Variants in DIP2C observed in about 807,000 individuals in gnomAD.
DIP2C encodes the protein DIP2 acetate--CoA ligase C (putative).
Under a neutral mutation model 192.4 loss-of-function variants are expected in DIP2C, and 33 were observed. That is an observed-to-expected ratio of 0.17 (90% CI 0.13 to 0.23). The LOEUF (loss-of-function observed/expected upper bound fraction) is 0.23. Among genes scored for constraint, DIP2C ranks in the 10% least tolerant of loss-of-function variants. The pLI is 1.00. For synonymous variants in DIP2C, 979 were observed against 864.1 expected (o/e 1.13, Z -2.33); for missense variants, 1,537 against 2,110.1 (o/e 0.73, Z 5.32).
At chr10:407,593 C>G (rs1964896403) in intron 9 of DIP2C, among the ~76,000 whole-genome samples, 1 of 152,132 alleles carries the variant, frequency 6.6e-6, no homozygotes, top group South Asian at 2.1e-4. Context: ...CCAACACGTG[C>G]CCTTTTCAGT....
intron 24 of DIP2C, chr10:356,137 T>C (rs991806885): frequency 5.5e-6 from 3 of 543,480 alleles, no homozygotes; most frequent in South Asian, 2.1e-5. Context: ...AAATATCTCA[T>C]AGACTTACGA....
At chr10:520,601 T>C (rs894223638) in intron 1 of DIP2C, among the ~76,000 whole-genome samples, 9 of 152,212 alleles carry the variant, frequency 5.9e-5, no homozygotes, top group Non-Finnish European at 1.3e-4. Context: ...GGGGCCGTCC[T>C]GACCTGTCTG....
At chr10:552,515 C>A (rs118125435) in intron 1 of DIP2C, among the ~76,000 whole-genome samples, 1 of 152,312 alleles carries the variant, frequency 6.6e-6, no homozygotes, top group Middle Eastern at 3.4e-3. Context: ...ATAAGTAATT[C>A]TGTTCAGTCT....
intron 1 of DIP2C, among the ~76,000 whole-genome samples, chr10:524,876 A>C (rs998492898): frequency 6.6e-6 from 1 of 151,866 alleles, no homozygotes; most frequent in Non-Finnish European, 1.5e-5. Flanking sequence ...CCACCTCTCT[A>C]TACTCAAGAA....
At chr10:552,083 T>C (rs2130950157) in intron 1 of DIP2C, among the ~76,000 whole-genome samples, 1 of 152,354 alleles carries the variant, frequency 6.6e-6, no homozygotes. Flanking sequence ...CCAGACTCAG[T>C]CTGCAATCTA....
intron 29 of DIP2C, among the ~76,000 whole-genome samples, chr10:338,673 G>A (rs1447805543): frequency 6.6e-6 from 1 of 152,126 alleles, no homozygotes; most frequent in Non-Finnish European, 1.5e-5. Flanking sequence ...ACGCCTGGCC[G>A]CACTGATTTC....
chr10:384,683 C>A lies in DIP2C; in HGVS notation c.1663-44G>T, dbSNP rs534892767. 5.0e-6 allele frequency: 8 copies of A among 1,592,610 alleles called. No individual in the cohort carries two copies. In the African/African-American group the frequency reaches 9.4e-5, roughly 19 times the overall value. On this transcript the variant is annotated intron_variant, in intron 14 of 36. Transcript: ENST00000280886. ...CACGCAGGGTGAGCATGGAGGGGCA[C>A]GCAGAGGAGCAGCTCTCACCCAGTG...
rs367739568 is a variant in DIP2C at position 433,680 on chromosome 10, C to CA, written c.394+7190dup. On this transcript the variant is annotated intron_variant, in intron 4 of 36. Coordinates refer to ENST00000280886, the MANE Select transcript of DIP2C (RefSeq NM_014974.3). ...TGGGCCAAGGAGTAAGACTCCATCT[C>CA]AAAAAAAATAAAATAAATAAATTAG... is the stretch of plus-strand genomic sequence containing the variant. Among the ~76,000 whole-genome samples the CA allele has an allele frequency of 6.2e-3, 938 of 151,658 alleles. 14 individuals carry two copies. Among genetic ancestry groups the CA allele is most frequent in the African/African-American group, 0.022 (904 of 41,426 alleles).
intron 5 of DIP2C, among the ~76,000 whole-genome samples, chr10:420,585 A>G (rs1010254427): frequency 1.3e-5 from 2 of 152,220 alleles, no homozygotes; most frequent in African/African-American, 2.4e-5. Flanking sequence ...AAAACGCTGG[A>G]CACAGCTTGT....
chr10:532,712 TATGGGTGTGA>T (rs1564824855), intron 1 of DIP2C, among the ~76,000 whole-genome samples: 5 of 103,806 alleles, frequency 4.8e-5, no homozygotes, highest in African/African-American at 1.3e-4. Flanking sequence ...TGAGAGAGAG[TATGGGTGTGA>T]GAGAGAGTAT....
chr10:357,656 G>A (rs1220279462), intron 23 of DIP2C, among the ~76,000 whole-genome samples, 172 bp downstream of exon 23: 1 of 152,036 alleles, frequency 6.6e-6, no homozygotes, highest in Non-Finnish European at 1.5e-5. Context: ...CGACATCGGA[G>A]ACTGTCGGGA....
At chr10:653,772 A>G (rs1588688805) in intron 1 of DIP2C, among the ~76,000 whole-genome samples, 1 of 152,240 alleles carries the variant, frequency 6.6e-6, no homozygotes, top group South Asian at 2.1e-4. Context: ...CTCAGCAATC[A>G]TCCACAGCAA....
At chr10:567,824 C>T (rs1342203576) in intron 1 of DIP2C, among the ~76,000 whole-genome samples, 3 of 151,896 alleles carry the variant, frequency 2.0e-5, no homozygotes, top group East Asian at 3.9e-4. Context: ...GAGACAGGGT[C>T]TCACCATTTT....
chr10:545,729 G>C (rs1848251294), intron 1 of DIP2C, among the ~76,000 whole-genome samples: 1 of 152,200 alleles, frequency 6.6e-6, no homozygotes, highest in African/African-American at 2.4e-5. Flanking sequence ...TCTTACACTG[G>C]ATCCATTTTG....
chr10:437,430 G>C (rs943491419), intron 4 of DIP2C: 1 of 152,288 alleles, frequency 6.6e-6, no homozygotes, highest in African/African-American at 2.4e-5. Flanking sequence ...AGCTCTCTCT[G>C]ATCTCCGCCT....
intron 1 of DIP2C, among the ~76,000 whole-genome samples, chr10:550,725 A>G (rs1445635911): frequency 6.6e-6 from 1 of 152,114 alleles, no homozygotes; most frequent in Non-Finnish European, 1.5e-5. Flanking sequence ...CTCTCCCCCT[A>G]CGATTTTGTG....
chr10:687,483 G>A (rs1465880613), intron 1 of DIP2C, among the ~76,000 whole-genome samples: 2 of 152,206 alleles, frequency 1.3e-5, no homozygotes, highest in Non-Finnish European at 2.9e-5. Context: ...CTTCTTAAAT[G>A]TGTAGCTCAG....
chr10:443,921 A>G (rs902110073), intron 3 of DIP2C, among the ~76,000 whole-genome samples: 7 of 152,190 alleles, frequency 4.6e-5, no homozygotes, highest in African/African-American at 1.7e-4. Flanking sequence ...ACACAGTGAA[A>G]TGTTCAGATC....
intron 4 of DIP2C, among the ~76,000 whole-genome samples, chr10:432,739 G>A (rs1966878183): frequency 6.6e-6 from 1 of 151,930 alleles, no homozygotes; most frequent in Non-Finnish European, 1.5e-5. Flanking sequence ...TTCTAAGGTG[G>A]GAGCTTATTG....
Sources: allele counts gnomAD v4.1 joint callset (sites outside exome capture counted in the v4.1 genomes callset), GRCh38; gene constraint gnomAD v4.1.1; transcripts MANE v1.5; gene names NCBI Gene and HGNC (gene_info 2026-07-23, HGNC 2026-07-21).